The following TCAF1 variants were observed in gnomAD, a reference collection of about 807,000 sequenced individuals.
The protein encoded by TCAF1 is TRPM8 channel-associated factor 1.
TCAF1 carries 4 observed loss-of-function variants against 27.3 expected under a neutral mutation model. The observed-to-expected ratio is 0.15, with a 90% CI of 0.07 to 0.34. The LOEUF (loss-of-function observed/expected upper bound fraction) is 0.34. Among genes scored for constraint, TCAF1 ranks in the 10% least tolerant of loss-of-function variants. TCAF1 has a pLI of 1.00. For synonymous variants in TCAF1, 105 were observed against 167.1 expected, an observed-to-expected ratio of 0.63 and a Z score of 2.87; for missense variants, 257 against 425.8, an observed-to-expected ratio of 0.60 and a Z score of 3.49.
intron 1 of TCAF1, among the ~76,000 whole-genome samples, chr7:143,900,084 T>C (rs1158283196): frequency 6.6e-6 from 1 of 152,132 alleles, no homozygotes; most frequent in African/African-American, 2.4e-5. Flanking sequence ...CCCAATAAAA[T>C]TGAATACACA....
chr7:143,875,914 GGA>G, intron 2 of TCAF1, 73 bp downstream of exon 2: 1 of 1,368,642 alleles, frequency 7.3e-7, no homozygotes, highest in Admixed American at 2.3e-5. Context: ...TGTTAGCCTT[GGA>G]GCAACCTGAA....
intron 1 of TCAF1, among the ~76,000 whole-genome samples, chr7:143,894,870 AAATT>A (rs1268176864): frequency 2.0e-5 from 3 of 151,726 alleles, no homozygotes; most frequent in South Asian, 2.1e-4. Flanking sequence ...CACACTCACA[AAATT>A]AATTAAAAAA....
At chr7:143,878,356 TACTAAC>T (rs766565359) in intron 1 of TCAF1, among the ~76,000 whole-genome samples, 236 of 152,320 alleles carry the variant, frequency 1.5e-3, no homozygotes, top group Non-Finnish European at 2.5e-3. Flanking sequence ...ACCATACTAA[TACTAAC>T]ACTAACACTA....
At chr7:143,889,835 C>CCT (rs1176469835) in intron 1 of TCAF1, among the ~76,000 whole-genome samples, 1 of 152,186 alleles carries the variant, frequency 6.6e-6, no homozygotes, top group Non-Finnish European at 1.5e-5. Flanking sequence ...ACCAGACAGT[C>CCT]CTCCTCCACG....
At chr7:143,878,010 T>A (rs954168234) in intron 1 of TCAF1, among the ~76,000 whole-genome samples, 2 of 152,248 alleles carry the variant, frequency 1.3e-5, no homozygotes, top group African/African-American at 4.8e-5. Context: ...CAGTCTGAGT[T>A]TGAATTTCAG....
At position 143,875,589 on chromosome 7, in the gene TCAF1, C is replaced by A. The variant is rs151032857; in HGVS notation, c.620+400G>T. 1.4e-4 allele frequency among the ~76,000 whole-genome samples: 21 copies of A among 152,332 alleles called. No individual in the cohort carries two copies. In the East Asian group the frequency reaches 4.1e-3, roughly 29 times the overall value. On this transcript the variant is annotated intron_variant, in intron 2 of 8. Transcript: ENST00000479870. The stretch of plus-strand genomic sequence containing the variant: ...ATCTGGATAGACATTTCAAAACCTT[C>A]CCCACACCTCTCTAGGCTTTGGCTC...
chr7:143,888,889 C>T (rs1485984798), intron 1 of TCAF1, among the ~76,000 whole-genome samples: 1 of 151,790 alleles, frequency 6.6e-6, no homozygotes, highest in East Asian at 1.9e-4. Context: ...TTACTAGTCA[C>T]AGAACATAGA....
chr7:143,897,871 T>C (rs140348408), intron 1 of TCAF1, among the ~76,000 whole-genome samples: 244 of 152,176 alleles, frequency 1.6e-3, no homozygotes, highest in African/African-American at 5.7e-3. Context: ...TTCATATTAT[T>C]TTATGATAAT....
chr7:143,897,496 C>T (rs1206550059), intron 1 of TCAF1, among the ~76,000 whole-genome samples: 3 of 151,922 alleles, frequency 2.0e-5, no homozygotes. Flanking sequence ...CATTAGTAGG[C>T]TATTAGTATT....
In TCAF1 at chr7:143,876,541, TCTTCGGGTACATCCCAG is replaced by T. The variant is rs1812728646; in HGVS notation, c.51_67del (p.Ser17ArgfsTer6). 6.5e-7 allele frequency: 1 copy of T among 1,547,718 alleles called. No homozygotes were observed. Among genetic ancestry groups the T allele is most frequent in the African/African-American group, 1.4e-5 (1 of 72,570 alleles). On this transcript the variant is annotated frameshift_variant, in exon 2 of 9. Transcript: ENST00000479870. LOFTEE classifies it high-confidence loss of function. ...AAGAAGCAGTTCACATGGAACAGCA[TCTTCGGGTACATCCCAG>T]CTTGTCACACCATTCATAAGGGCCT...
At chr7:143,896,949 C>T (rs1406774496) in intron 1 of TCAF1, among the ~76,000 whole-genome samples, 1 of 150,378 alleles carries the variant, frequency 6.6e-6, no homozygotes, top group African/African-American at 2.4e-5. Context: ...TAGAAAAAGA[C>T]ATAAAGCTTT....
intron 1 of TCAF1, among the ~76,000 whole-genome samples, chr7:143,880,901 G>T (rs1812978647): frequency 6.6e-6 from 1 of 152,088 alleles, no homozygotes; most frequent in African/African-American, 2.4e-5. Context: ...ATAAAACCTG[G>T]GGGAAATGTC....
chr7:143,886,602 C>A, intron 1 of TCAF1: 1 of 860,684 alleles, frequency 1.2e-6, no homozygotes, highest in Non-Finnish European at 1.4e-6. Flanking sequence ...AAACAAACAG[C>A]AGCCTAAAGC....
chr7:143,885,355 T>C, intron 1 of TCAF1: 8 of 983,192 alleles, frequency 8.1e-6, no homozygotes, highest in African/African-American at 1.8e-5. Context: ...GGAGGTGGGC[T>C]GCAGTGCAGA....
chr7:143,885,885 T>C (rs1813377935), intron 1 of TCAF1, among the ~76,000 whole-genome samples: 1 of 152,134 alleles, frequency 6.6e-6, no homozygotes, highest in Admixed American at 6.5e-5. Context: ...CTCATTAGCG[T>C]TTCAATAGTC....
intron 1 of TCAF1, among the ~76,000 whole-genome samples, chr7:143,893,038 G>T (rs779699169): frequency 6.6e-5 from 10 of 152,046 alleles, no homozygotes; most frequent in Non-Finnish European, 1.5e-4. Context: ...ATTAGAAAAA[G>T]AGTTCATTTA....
chr7:143,888,456 G>A (rs1436165925), intron 1 of TCAF1, among the ~76,000 whole-genome samples: 1 of 152,096 alleles, frequency 6.6e-6, no homozygotes, highest in Non-Finnish European at 1.5e-5. Context: ...ATTCCAACAG[G>A]GTAAAGGTAA....
At chr7:143,885,337 G>A in intron 1 of TCAF1, 1 of 985,456 alleles carries the variant, frequency 1.0e-6, no homozygotes, top group African/African-American at 1.7e-5. Flanking sequence ...AGGAGGAGGC[G>A]TGTGGGGGGA....
At chr7:143,859,995 T>TAATATATATTATA (rs1367913993) in intron 6 of TCAF1, among the ~76,000 whole-genome samples, 2 of 11,688 alleles carry the variant, frequency 1.7e-4, no homozygotes, top group Non-Finnish European at 3.1e-4. Flanking sequence ...ATAATATATA[T>TAATATATATTATA]TATATAATAT....
Sources: allele counts gnomAD v4.1 joint callset (sites outside exome capture counted in the v4.1 genomes callset), GRCh38; gene constraint gnomAD v4.1.1; transcripts MANE v1.5; gene names NCBI Gene and HGNC (gene_info 2026-07-23, HGNC 2026-07-21).